MACROD2: variants seen among roughly 807,000 people sequenced by gnomAD.
MACROD2 encodes ADP-ribose glycohydrolase MACROD2.
MACROD2 carries 36 observed loss-of-function variants against 70.4 expected under a neutral mutation model. That is an observed-to-expected ratio of 0.51 (90% CI 0.39 to 0.68). The LOEUF is 0.68. Among genes scored for constraint, MACROD2 ranks in the 30% least tolerant of loss-of-function variants. The probability of loss-of-function intolerance (pLI) is 0.00; values close to 1 mark genes in which losing one functional copy is unlikely to be tolerated. For missense variants in MACROD2, 496 were observed against 538.4 expected, an observed-to-expected ratio of 0.92 and a Z score of 0.78; for synonymous variants, 172 against 178.8, an observed-to-expected ratio of 0.96 and a Z score of 0.30.
intron 5 of MACROD2, among the ~76,000 whole-genome samples, chr20:14,977,627 G>C (rs148334296): frequency 1.1e-4 from 17 of 151,998 alleles, no homozygotes; most frequent in Non-Finnish European, 1.9e-4. Context: ...ACATTATAGG[G>C]TGTTATGAGA....
intron 5 of MACROD2, among the ~76,000 whole-genome samples, chr20:14,936,133 G>A (rs2074338687): frequency 6.6e-6 from 1 of 152,128 alleles, no homozygotes; most frequent in Non-Finnish European, 1.5e-5. Context: ...ATATGAGTAT[G>A]TGGTATAAAG....
chr20:15,410,052 T>TA (rs906145612), intron 6 of MACROD2, among the ~76,000 whole-genome samples: 28 of 152,184 alleles, frequency 1.8e-4, no homozygotes, highest in African/African-American at 2.4e-4. Flanking sequence ...TCTTTTTCTT[T>TA]AAAAAAAATC....
At chr20:15,247,472 A>C (rs2077116345) in intron 6 of MACROD2, among the ~76,000 whole-genome samples, 1 of 152,210 alleles carries the variant, frequency 6.6e-6, no homozygotes, top group South Asian at 2.1e-4. Flanking sequence ...TATAAATTAC[A>C]CACAAAAAAG....
intron 4 of MACROD2, among the ~76,000 whole-genome samples, chr20:14,575,964 T>G (rs189537060): frequency 6.6e-6 from 1 of 152,322 alleles, no homozygotes; most frequent in East Asian, 1.9e-4. Flanking sequence ...TATATTAAAA[T>G]ACCTGCCTAT....
At chr20:14,285,979 CAAA>C (rs5840605) in intron 3 of MACROD2, among the ~76,000 whole-genome samples, 34 of 143,324 alleles carry the variant, frequency 2.4e-4, no homozygotes, top group Non-Finnish European at 1.5e-4. Flanking sequence ...ACTCTGCAGC[CAAA>C]AAAAAAAAAA....
intron 8 of MACROD2, among the ~76,000 whole-genome samples, chr20:15,586,935 A>G (rs2146659087): frequency 6.6e-6 from 1 of 152,346 alleles, no homozygotes; most frequent in African/African-American, 2.4e-5. Flanking sequence ...TTACAAAGAA[A>G]GACTTGAACC....
rs530498475 is a variant in MACROD2 at position 15,777,490 on chromosome 20, T to C, written c.646-85255T>C. On this transcript the variant is annotated intron_variant, in intron 8 of 17. Transcript: ENST00000684519. ...TTAGTGACAGAGCCAAGTTGATTCT[T>C]TTTTTTCCTTCCTTCCTTCTTTCCT... 3.9e-3 allele frequency among the ~76,000 whole-genome samples: 591 copies of C among 150,194 alleles called. 5 individuals are homozygous for C. Among genetic ancestry groups the C allele is most frequent in the Non-Finnish European group, 6.0e-3 (408 of 67,530 alleles).
chr20:14,886,465 A>G (rs920466836), intron 5 of MACROD2, among the ~76,000 whole-genome samples: 23 of 152,204 alleles, frequency 1.5e-4, no homozygotes, highest in Non-Finnish European at 2.8e-4. Flanking sequence ...AAAGTTTGAG[A>G]AGAGGAGTGA....
At chr20:14,945,519 A>T (rs1275132025) in intron 5 of MACROD2, among the ~76,000 whole-genome samples, 1 of 152,204 alleles carries the variant, frequency 6.6e-6, no homozygotes, top group African/African-American at 2.4e-5. Context: ...ACTTCATTGT[A>T]TCATCTTCTT....
intron 5 of MACROD2, among the ~76,000 whole-genome samples, chr20:15,041,293 A>G (rs773269999): frequency 8.1e-4 from 124 of 152,204 alleles, no homozygotes; most frequent in Non-Finnish European, 1.5e-3. Flanking sequence ...TCTGAGTAAT[A>G]TTCTTCATAA....
In MACROD2 at chr20:14,809,872, G is replaced by A. The variant is rs191728185; in HGVS notation, c.418+124913G>A. ...ATTCCTGGACACATACACTGCCCCC[G>A]CAAGATTAAACCAGGAAGAATTTGA... On this transcript the variant is annotated intron_variant, in intron 5 of 17. Coordinates refer to ENST00000684519, the MANE Select transcript of MACROD2 (RefSeq NM_001351661.2). Among the ~76,000 whole-genome samples, 226 of 151,492 alleles carry A rather than the reference G, an allele frequency of 1.5e-3. 4 individuals carry two copies. Among genetic ancestry groups the A allele is most frequent in the Non-Finnish European group, 2.4e-3 (165 of 67,702 alleles).
intron 4 of MACROD2, among the ~76,000 whole-genome samples, chr20:14,673,928 A>G (rs1489865643): frequency 6.6e-5 from 10 of 151,798 alleles, no homozygotes; most frequent in Non-Finnish European, 1.2e-4. Context: ...CTCAAAAAAA[A>G]AAAAAAAAAA....
intron 3 of MACROD2, among the ~76,000 whole-genome samples, chr20:14,242,765 A>G (rs1048481362): frequency 2.0e-5 from 3 of 152,204 alleles, no homozygotes; most frequent in African/African-American, 4.8e-5. Flanking sequence ...TTCTATTGCA[A>G]GCAAATAAAA....
intron 3 of MACROD2, among the ~76,000 whole-genome samples, chr20:14,307,083 CAGAG>C (rs1436884089): frequency 6.6e-6 from 1 of 151,392 alleles, no homozygotes; most frequent in Non-Finnish European, 1.5e-5. Context: ...TTTTATTAGT[CAGAG>C]AGGGAGGTAA....
At chr20:14,270,000 T>C (rs1236016422) in intron 3 of MACROD2, among the ~76,000 whole-genome samples, 2 of 152,152 alleles carry the variant, frequency 1.3e-5, no homozygotes, top group Non-Finnish European at 2.9e-5. Context: ...AAATCTGCAT[T>C]ATATGGGCAT....
chr20:14,469,545 G>C (rs2084502422), intron 3 of MACROD2, among the ~76,000 whole-genome samples: 1 of 152,004 alleles, frequency 6.6e-6, no homozygotes, highest in Non-Finnish European at 1.5e-5. Context: ...CATTCTCCCT[G>C]TCACTTTCAG....
intron 3 of MACROD2, among the ~76,000 whole-genome samples, chr20:14,245,687 T>TA (rs2122248924): frequency 6.6e-6 from 1 of 152,270 alleles, no homozygotes; most frequent in East Asian, 1.9e-4. Context: ...CCAAGGTCAT[T>TA]AGAGAACTGG....
intron 3 of MACROD2, among the ~76,000 whole-genome samples, chr20:14,461,422 C>T (rs1021005876): frequency 6.6e-6 from 1 of 151,690 alleles, no homozygotes; most frequent in Non-Finnish European, 1.5e-5. Context: ...TTGTCTTTCT[C>T]TCCTTCAGTT....
At chr20:14,804,859 G>A (rs779026407) in intron 5 of MACROD2, among the ~76,000 whole-genome samples, 1 of 150,788 alleles carries the variant, frequency 6.6e-6, no homozygotes, top group Admixed American at 6.6e-5. Flanking sequence ...GTGTCCAGGT[G>A]TGTGTGTGTG....
Sources: gnomAD v4.1 joint callset for allele counts (sites outside exome capture counted in the v4.1 genomes callset) on GRCh38, gnomAD v4.1.1 for gene constraint, MANE v1.5 for transcripts, NCBI Gene and HGNC (gene_info 2026-07-23, HGNC 2026-07-21) for gene names.